Variants in SULF2 observed in about 807,000 individuals in gnomAD.
SULF2 encodes extracellular sulfatase Sulf-2.
In SULF2, 52 loss-of-function variants were observed where a neutral mutation model predicts 107.7. The observed-to-expected ratio is 0.48, with a 90% confidence interval of 0.39 to 0.61. SULF2 has a LOEUF of 0.61. SULF2 is among the 20% of genes least tolerant of loss of function. The pLI is 0.00. For missense variants in SULF2, 993 were observed against 1,177.3 expected, an observed-to-expected ratio of 0.84 and a Z score of 2.29; for synonymous variants, 460 against 464.3, an observed-to-expected ratio of 0.99 and a Z score of 0.12.
rs539080841 is a variant in SULF2 at position 47,673,848 on chromosome 20, T to C, written c.1381-1455A>G. Among the ~76,000 whole-genome samples the C allele has an allele frequency of 2.0e-3, 308 of 152,336 alleles. 1 individual carries two copies. Among genetic ancestry groups the C allele is most frequent in the Non-Finnish European group, 3.5e-3 (239 of 68,030 alleles). On this transcript the variant is annotated intron_variant, in intron 10 of 20. Transcript: ENST00000688720. ...AGGCCCAGAAGCCCAGGTCTGATTT[T>C]TCAAGAAAAGCCAGGGCTCTGAGTT...
chr20:47,679,803 G>A (rs868163880), intron 7 of SULF2, among the ~76,000 whole-genome samples: 14 of 152,156 alleles, frequency 9.2e-5, no homozygotes, highest in African/African-American at 2.9e-4. Context: ...TGAGTTTGTG[G>A]CAGTTTGTTC....
At chr20:47,687,676 T>C (rs1222663414) in intron 5 of SULF2, among the ~76,000 whole-genome samples, 1 of 130,500 alleles carries the variant, frequency 7.7e-6, no homozygotes, top group Non-Finnish European at 1.8e-5. Context: ...TTTGTGTGTG[T>C]CTGTAACTGT....
intron 1 of SULF2, among the ~76,000 whole-genome samples, chr20:47,771,103 C>G (rs922946013): frequency 6.6e-6 from 1 of 152,146 alleles, no homozygotes; most frequent in African/African-American, 2.4e-5. Flanking sequence ...GGGGCAGCCA[C>G]GTGGGCCTCC....
chr20:47,687,131 C>T (rs2088032417), intron 5 of SULF2, among the ~76,000 whole-genome samples: 2 of 152,326 alleles, frequency 1.3e-5, no homozygotes, highest in African/African-American at 4.8e-5. Context: ...AGAAGTTAGG[C>T]TGACATCGGC....
At chr20:47,663,758 C>A (rs1332728390) in intron 15 of SULF2, 136 bp from the exon 16 acceptor site, 10 of 1,046,512 alleles carry the variant, frequency 9.6e-6, no homozygotes, top group Non-Finnish European at 1.4e-5. Flanking sequence ...ATTCAGGGTC[C>A]CAAGTCCCAG....
intron 10 of SULF2, among the ~76,000 whole-genome samples, chr20:47,675,879 G>A (rs1356024936): frequency 6.6e-6 from 1 of 151,604 alleles, no homozygotes; most frequent in Admixed American, 6.6e-5. Context: ...TTTTTCTTAT[G>A]TTTTTAGAGA....
At chr20:47,756,676 C>T (rs567259671) in intron 2 of SULF2, among the ~76,000 whole-genome samples, 2 of 146,938 alleles carry the variant, frequency 1.4e-5, no homozygotes, top group East Asian at 4.0e-4. Flanking sequence ...GACAGAGTCT[C>T]ACTCTGTCAC....
intron 17 of SULF2, among the ~76,000 whole-genome samples, chr20:47,662,252 C>G (rs1255608392): frequency 2.0e-5 from 3 of 152,172 alleles, no homozygotes; most frequent in African/African-American, 7.2e-5. Flanking sequence ...GCCCTCAGCT[C>G]CTCCTGATTG....
At chr20:47,757,727 G>C (rs1038484218) in intron 1 of SULF2, among the ~76,000 whole-genome samples, 1 of 152,092 alleles carries the variant, frequency 6.6e-6, no homozygotes, top group Non-Finnish European at 1.5e-5. Flanking sequence ...TGATGTGTCG[G>C]TGGCAGCCCA....
chr20:47,749,851 C>T (rs2090123832), intron 2 of SULF2, among the ~76,000 whole-genome samples: 1 of 152,164 alleles, frequency 6.6e-6, no homozygotes, highest in Non-Finnish European at 1.5e-5. Flanking sequence ...CCCCACCGTG[C>T]CCTACTCTAA....
intron 4 of SULF2, among the ~76,000 whole-genome samples, chr20:47,700,866 G>A (rs1165838307): frequency 6.6e-6 from 1 of 151,998 alleles, no homozygotes; most frequent in East Asian, 1.9e-4. Context: ...GGCTGGCCTC[G>A]AACTCCTGAC....
chr20:47,663,558 G>A lies in SULF2; in HGVS notation c.2122C>T (p.Arg708Cys), dbSNP rs190217262. 29 of 1,612,168 alleles carry A rather than the reference G, an allele frequency of 1.8e-5. No individual in the cohort carries two copies. The highest frequency in any genetic ancestry group is 2.2e-5 in the East Asian group (1 of 44,868). ...TTCTGCAGGCGCTTGAGCAGCTTGC[G>A]GAGTTTCTTCTTGCGCTTCTGCTCC... ...LREQKRKKKL[R>C]KLLKRLQNND... Residue 708 changes from arginine to cysteine, a missense_variant, in exon 16 of 21, where the codon CGC (arginine) becomes TGC (cysteine). Arg to Cys is a radical substitution (Grantham distance 180). This residue lies in a region of SULF2 where 497 missense variants were observed against 544.1 expected (regional missense o/e 0.91). Coordinates refer to ENST00000688720, the MANE Select transcript of SULF2 (RefSeq NM_001387048.1).
At chr20:47,785,577 C>T (rs2090917322), upstream of SULF2, 1 of 146,532 alleles carries the variant, frequency 6.8e-6, no homozygotes, top group Non-Finnish European at 1.5e-5. Flanking sequence ...GCGCGCCGCC[C>T]CAGCCAAAGT....
At chr20:47,687,554 C>T (rs762210455) in intron 5 of SULF2, among the ~76,000 whole-genome samples, 1 of 152,166 alleles carries the variant, frequency 6.6e-6, no homozygotes, top group African/African-American at 2.4e-5. Flanking sequence ...CTTGAAGCCA[C>T]AATCAGCGCC....
intron 3 of SULF2, among the ~76,000 whole-genome samples, chr20:47,708,073 G>C (rs1023289756): frequency 6.6e-6 from 1 of 152,178 alleles, no homozygotes; most frequent in Non-Finnish European, 1.5e-5. Context: ...AAACACCTAC[G>C]GTATGCAGGG....
intron 1 of SULF2, among the ~76,000 whole-genome samples, chr20:47,784,673 G>A (rs368489513): frequency 4.1e-4 from 62 of 152,336 alleles, no homozygotes; most frequent in African/African-American, 1.4e-3. Flanking sequence ...GGGTGCTCCA[G>A]AAATGCTTGT....
At chr20:47,772,192 C>G (rs1240365025) in intron 1 of SULF2, among the ~76,000 whole-genome samples, 1 of 152,258 alleles carries the variant, frequency 6.6e-6, no homozygotes, top group Non-Finnish European at 1.5e-5. Context: ...CTTGGAGGAA[C>G]CAGCACCCAT....
At position 47,678,497 on chromosome 20, in the gene SULF2, A is replaced by C; in HGVS notation, c.1193+179T>G. Reference sequence around the variant, plus strand: ...GCCACATTCCAGATGGGAAGACAGAATCTCGGAGAGGGGACCATGCTTCTC... The same window carrying C: ...GCCACATTCCAGATGGGAAGACAGACTCTCGGAGAGGGGACCATGCTTCTC... On this transcript the variant is annotated intron_variant, in intron 8 of 20. Transcript: ENST00000688720. This position sits in a 1 kb window ranked among gnomAD's most constrained non-coding sequence, Gnocchi z 4.5. The C allele has an allele frequency of 1.6e-6, 1 of 610,992 alleles. No individual in the cohort carries two copies. The highest frequency in any genetic ancestry group is 4.5e-4 in the Middle Eastern group (1 of 2,244). 37.8% of individuals were successfully genotyped at this position (610,992 alleles called of 1,614,324 possible).
At position 47,666,634 on chromosome 20, in the gene SULF2, C is replaced by T. The variant is rs925865313; in HGVS notation, c.1577-146G>A. 2 of 666,434 alleles carry T rather than the reference C, an allele frequency of 3.0e-6. No homozygotes were observed. Among genetic ancestry groups the T allele is most frequent in the Middle Eastern group, 4.2e-4 (1 of 2,370 alleles). The allele number at this position is 666,434 out of a possible 1,614,324, so 41.3% of individuals were successfully genotyped here. On this transcript the variant is annotated intron_variant, in intron 11 of 20. Coordinates refer to ENST00000688720, the MANE Select transcript of SULF2 (RefSeq NM_001387048.1). The surrounding 1 kb of genome is among the most constrained non-coding windows in gnomAD (Gnocchi z 5.4). ...GCGACTCGAGGGGTCGTGGAATCTA[C>T]CCGCCTGCTCGCAGATCCTGGACCG...
Sources: gnomAD v4.1 joint callset for allele counts (sites outside exome capture counted in the v4.1 genomes callset) on GRCh38, gnomAD v4.1.1 for gene constraint, gnomAD v4.1.1 regional missense constraint, Gnocchi (gnomAD v3.1) non-coding constraint, MANE v1.5 for transcripts, NCBI Gene and HGNC (gene_info 2026-07-23, HGNC 2026-07-21) for gene names.